MKLN1: variants seen among roughly 807,000 people sequenced by gnomAD.
MKLN1 encodes the protein muskelin.
In MKLN1, 18 loss-of-function variants were observed where a neutral mutation model predicts 99.0. The observed-to-expected ratio is 0.18, with a 90% CI of 0.13 to 0.27. The LOEUF (loss-of-function observed/expected upper bound fraction) is 0.27, where lower values mean the gene tolerates loss of function less well. Ranked by LOEUF, MKLN1 falls within the 10% of genes least tolerant of loss-of-function variation. MKLN1 has a pLI of 1.00. For synonymous variants in MKLN1, 288 were observed against 293.2 expected, an observed-to-expected ratio of 0.98 and a Z score of 0.18; for missense variants, 621 against 875.9, an observed-to-expected ratio of 0.71 and a Z score of 3.67.
In MKLN1 at chr7:131,363,192, AGGCCGC is replaced by A. The variant is rs1800080794; in HGVS notation, c.99-12231_99-12226del. On this transcript the variant is annotated intron_variant, in intron 1 of 17. Transcript: ENST00000352689. Reference sequence around the variant, plus strand: ...TGCAGTTTTTGAGCTGTGTGGCTCCAGGCCGCATTTGTGAATTTTTTTTTTAATTGC... The same window carrying A: ...TGCAGTTTTTGAGCTGTGTGGCTCCAATTTGTGAATTTTTTTTTTAATTGC... Among the ~76,000 whole-genome samples, 3 of 152,068 alleles carry A rather than the reference AGGCCGC, an allele frequency of 2.0e-5. No individual in the cohort carries two copies. The South Asian group carries it at 6.2e-4, about 32-fold the overall frequency.
At chr7:131,459,571 G>A (rs1282951789) in intron 12 of MKLN1, among the ~76,000 whole-genome samples, 1 of 152,078 alleles carries the variant, frequency 6.6e-6, no homozygotes, top group Non-Finnish European at 1.5e-5. Context: ...CAGAGTGTTT[G>A]TGTTCTGAGC....
At chr7:131,452,024 T>C (rs1018445681) in intron 12 of MKLN1, among the ~76,000 whole-genome samples, 1 of 152,250 alleles carries the variant, frequency 6.6e-6, no homozygotes, top group South Asian at 2.1e-4. Context: ...ATGCTTGTTC[T>C]TTAGTAGTTA....
chr7:131,325,194 C>T (rs977252692), upstream of MKLN1, among the ~76,000 whole-genome samples: 3 of 151,972 alleles, frequency 2.0e-5, no homozygotes, highest in Admixed American at 6.6e-5. Flanking sequence ...ATATGTATGA[C>T]TCTTATCTTC....
chr7:131,493,282 T>TAAG lies in MKLN1; in HGVS notation c.*5555_*5557dup, dbSNP rs1401427131. ...TGTGCAAAGTCCTATTTTGCTTATC[T>TAAG]AAGGCATTTTGACTTGGAAGTATTA... On this transcript the variant is annotated 3_prime_UTR_variant, in exon 18 of 18. Coordinates refer to ENST00000352689, the MANE Select transcript of MKLN1 (RefSeq NM_013255.5). The TAAG allele has an allele frequency of 1.3e-5, 2 of 152,196 alleles. No homozygotes were observed. The highest frequency in any genetic ancestry group is 2.9e-5 in the Non-Finnish European group (2 of 68,032). The allele number at this position is 152,196 out of a possible 1,614,324, so 9.4% of individuals were successfully genotyped here.
intron 1 of MKLN1, among the ~76,000 whole-genome samples, chr7:131,334,966 T>A (rs1400000212): frequency 6.6e-6 from 1 of 152,180 alleles, no homozygotes; most frequent in African/African-American, 2.4e-5. Context: ...AATTTCTAGG[T>A]CTTTATAGGT....
intron 2 of MKLN1, among the ~76,000 whole-genome samples, chr7:131,187,625 C>T (rs187925975): frequency 1.1e-4 from 17 of 152,298 alleles, no homozygotes; most frequent in African/African-American, 3.8e-4. Flanking sequence ...TGGCCCTTTA[C>T]AGAAAGTGTT....
At chr7:131,469,497 C>G (rs1255858945) in intron 15 of MKLN1, among the ~76,000 whole-genome samples, 1 of 152,174 alleles carries the variant, frequency 6.6e-6, no homozygotes, top group Non-Finnish European at 1.5e-5. Context: ...GGTAAAGTAA[C>G]ATGGTCTTTA....
rs552908257 is a variant in MKLN1, at chr7:131,180,496, C to T, written c.-296-22361C>T. The stretch of plus-strand genomic sequence containing the variant: ...GGCGGATCACCTGAGGTCAGGAGTT[C>T]GAGACCAGCATGGCCAACATGGTGA... On this transcript the variant is annotated intron_variant, in intron 2 of 7. Transcript: ENST00000416992. Among the ~76,000 whole-genome samples the T allele has an allele frequency of 7.0e-4, 107 of 152,110 alleles. 1 individual carries two copies. The highest frequency in any genetic ancestry group is 2.4e-3 in the African/African-American group (100 of 41,504).
intron 2 of MKLN1, among the ~76,000 whole-genome samples, chr7:131,190,753 T>C (rs1312876486): frequency 6.6e-6 from 1 of 152,100 alleles, no homozygotes; most frequent in Non-Finnish European, 1.5e-5. Flanking sequence ...GACCCACTGG[T>C]TGGGAATTCA....
chr7:131,233,603 A>C (rs1351755408), intron 3 of MKLN1, among the ~76,000 whole-genome samples: 2 of 151,834 alleles, frequency 1.3e-5, no homozygotes, highest in African/African-American at 4.8e-5. Context: ...ATTTTACAAG[A>C]CTAAATTCAT....
At chr7:131,279,926 C>T (rs1798027182) in intron 3 of MKLN1, among the ~76,000 whole-genome samples, 1 of 152,066 alleles carries the variant, frequency 6.6e-6, no homozygotes, top group Non-Finnish European at 1.5e-5. Context: ...CCCAAAAGAC[C>T]CCTATACCCA....
In MKLN1 at chr7:131,487,484, T is replaced by C. The variant is rs369216385; in HGVS notation, c.2087-123T>C. 9.4e-7 allele frequency: 1 copy of C among 1,064,380 alleles called. No individual in the cohort carries two copies. The highest frequency in any genetic ancestry group is 1.3e-6 in the Non-Finnish European group (1 of 741,996). The allele number at this position is 1,064,380 out of a possible 1,614,324, so 65.9% of individuals were successfully genotyped here. A position where few individuals can be genotyped will look rare whatever the true frequency, so the allele number is the denominator to read the frequency against. On this transcript the variant is annotated intron_variant, in intron 17 of 17. Transcript: ENST00000352689. The surrounding 1 kb of genome is among the most constrained non-coding windows in gnomAD (Gnocchi z 4.7). ...TAGAACTGGGGTCAGATCAGTAGTG[T>C]CTGCCTGGTTTTGAAGCCTGATTTG...
chr7:131,189,260 T>C (rs1033010172), intron 2 of MKLN1, among the ~76,000 whole-genome samples: 1 of 152,210 alleles, frequency 6.6e-6, no homozygotes, highest in African/African-American at 2.4e-5. Context: ...TGGATATGGA[T>C]GTGATTGAAA....
intron 15 of MKLN1, among the ~76,000 whole-genome samples, chr7:131,469,732 T>G (rs958503811): frequency 2.6e-5 from 4 of 152,218 alleles, no homozygotes; most frequent in Admixed American, 6.5e-5. Flanking sequence ...TTGAAAAGTA[T>G]ACCAACGTAT....
intron 3 of MKLN1, among the ~76,000 whole-genome samples, chr7:131,270,451 C>A (rs1797868445): frequency 6.6e-6 from 1 of 152,222 alleles, no homozygotes; most frequent in African/African-American, 2.4e-5. Flanking sequence ...GAACTCCTGA[C>A]CTCAGGTCAT....
intron 12 of MKLN1, 147 bp from the exon 13 acceptor site, chr7:131,463,070 C>A: frequency 1.6e-6 from 1 of 628,708 alleles, no homozygotes; most frequent in East Asian, 3.2e-5. Flanking sequence ...TGCAGTGAGT[C>A]ATGGTTGTGC....
chr7:131,250,466 G>A (rs1296545432), intron 3 of MKLN1, among the ~76,000 whole-genome samples: 3 of 152,080 alleles, frequency 2.0e-5, no homozygotes, highest in South Asian at 2.1e-4. Flanking sequence ...TTGCAGGACC[G>A]AGGCTGCAGA....
intron 6 of MKLN1, among the ~76,000 whole-genome samples, chr7:131,400,266 T>TAA (rs992432419): frequency 1.3e-5 from 2 of 150,108 alleles, no homozygotes; most frequent in Non-Finnish European, 3.0e-5. Context: ...ATTGGGTAGC[T>TAA]AAAAAAAAAC....
chr7:131,178,421 G>A (rs953208362), intron 2 of MKLN1, among the ~76,000 whole-genome samples: 1 of 151,336 alleles, frequency 6.6e-6, no homozygotes, highest in East Asian at 2.0e-4. Flanking sequence ...ACAGGCATGA[G>A]CCACCTACAA....
Sources: allele counts gnomAD v4.1 joint callset (sites outside exome capture counted in the v4.1 genomes callset), GRCh38; gene constraint gnomAD v4.1.1; non-coding constraint Gnocchi (gnomAD v3.1); transcripts MANE v1.5; gene names NCBI Gene and HGNC (gene_info 2026-07-23, HGNC 2026-07-21).